Variants in MYO3B observed in about 807,000 individuals in gnomAD.
MYO3B encodes the protein myosin-IIIb.
MYO3B carries 156 observed loss-of-function variants against 174.6 expected under a neutral mutation model. The observed-to-expected ratio is 0.89, with a 90% CI of 0.78 to 1.02. MYO3B has a LOEUF of 1.02. Among genes scored for constraint, MYO3B ranks in the 50% least tolerant of loss-of-function variants. The probability of loss-of-function intolerance (pLI) is 0.00; values close to 1 mark genes in which losing one functional copy is unlikely to be tolerated. For missense variants in MYO3B, 1,632 were observed against 1,639.4 expected (o/e 1.00, Z 0.08); for synonymous variants, 563 against 569.1 (o/e 0.99, Z 0.15).
At chr2:170,242,281 A>G (rs180892602) in intron 7 of MYO3B, among the ~76,000 whole-genome samples, 6 of 152,338 alleles carry the variant, frequency 3.9e-5, no homozygotes, top group East Asian at 3.9e-4. Flanking sequence ...AAATATTCCA[A>G]TAGAAAAACA....
chr2:170,602,597 T>C (rs1401366022), intron 32 of MYO3B, among the ~76,000 whole-genome samples: 1 of 152,250 alleles, frequency 6.6e-6, no homozygotes, highest in African/African-American at 2.4e-5. Context: ...GCTGTTCCCA[T>C]TCCAGCCAAG....
chr2:170,263,186 A>G (rs1308723542), intron 7 of MYO3B, among the ~76,000 whole-genome samples: 4 of 152,218 alleles, frequency 2.6e-5, no homozygotes, highest in African/African-American at 9.6e-5. Flanking sequence ...AAATGCAGGC[A>G]GGGCTTGGCT....
chr2:170,644,823 A>G (rs1311590073), intron 32 of MYO3B, among the ~76,000 whole-genome samples: 2 of 152,234 alleles, frequency 1.3e-5, no homozygotes, highest in Non-Finnish European at 2.9e-5. Flanking sequence ...AGTGCTCCTG[A>G]AATGCTATCC....
At chr2:170,296,422 G>A (rs771935337) in intron 7 of MYO3B, among the ~76,000 whole-genome samples, 3 of 152,118 alleles carry the variant, frequency 2.0e-5, no homozygotes, top group African/African-American at 2.4e-5. Context: ...CCACAAGAGG[G>A]GTATTCAAAC....
intron 9 of MYO3B, among the ~76,000 whole-genome samples, chr2:170,379,239 G>A (rs1469898057): frequency 6.9e-6 from 1 of 145,050 alleles, no homozygotes; most frequent in Non-Finnish European, 1.5e-5. Context: ...TCTGTTGCCA[G>A]GTTGGCATGC....
intron 32 of MYO3B, among the ~76,000 whole-genome samples, chr2:170,629,703 A>G (rs770921181): frequency 6.6e-6 from 1 of 152,160 alleles, no homozygotes; most frequent in Non-Finnish European, 1.5e-5. Flanking sequence ...ACAAAAAATT[A>G]GCTGGGCATG....
intron 7 of MYO3B, among the ~76,000 whole-genome samples, chr2:170,251,252 T>C (rs1261581951): frequency 2.0e-5 from 3 of 152,112 alleles, no homozygotes; most frequent in Non-Finnish European, 2.9e-5. Context: ...TTCTTTATGT[T>C]AGAGTTCAGA....
In MYO3B at chr2:170,629,616, A is replaced by C. The variant is rs1176056470; in HGVS notation, c.3734-22012A>C. 3.9e-5 allele frequency among the ~76,000 whole-genome samples: 6 copies of C among 152,302 alleles called. No homozygotes were observed. The South Asian group carries it at 1.2e-3, about 32-fold the overall frequency. The stretch of plus-strand genomic sequence containing the variant: ...TGTAATCCTAACACTTTGGGAGGCC[A>C]AGGCAGGTGGATTGCCTGAGCTTAG... On this transcript the variant is annotated intron_variant, in intron 32 of 34. Transcript: ENST00000408978.
chr2:170,612,667 G>C (rs1430173136), intron 32 of MYO3B, among the ~76,000 whole-genome samples: 2 of 152,208 alleles, frequency 1.3e-5, no homozygotes, highest in African/African-American at 4.8e-5. Flanking sequence ...GCAGGAGTTA[G>C]AGGGAGTAAG....
At chr2:170,214,129 A>G (rs2092802650) in intron 3 of MYO3B, among the ~76,000 whole-genome samples, 1 of 152,182 alleles carries the variant, frequency 6.6e-6, no homozygotes, top group African/African-American at 2.4e-5. Context: ...ATATTTGGCA[A>G]TTAAAAAGTT....
chr2:170,403,471 T>C (rs2094491351), intron 19 of MYO3B, among the ~76,000 whole-genome samples: 1 of 152,128 alleles, frequency 6.6e-6, no homozygotes, highest in Non-Finnish European at 1.5e-5. Flanking sequence ...ATGGAAATCA[T>C]CCCTCTATGA....
chr2:170,499,705 C>T lies in MYO3B; in HGVS notation c.3186C>T (p.Gly1062=), dbSNP rs371393746. The change falls in exon 27 of 35, where the codon GGC becomes GGT. Residue 1062 remains glycine, a synonymous_variant. Transcript: ENST00000408978. Reference sequence around the variant, plus strand: ...ATTTGCTGCTTCGAGAAGTCATAGGCAGAGTGGTTGTGCTGCAGGCATATA... The same window carrying T: ...ATTTGCTGCTTCGAGAAGTCATAGGTAGAGTGGTTGTGCTGCAGGCATATA... ...QLNLLLREVI[G]RVVVLQAYTK... 6.2e-7 allele frequency: 1 copy of T among 1,614,080 alleles called. No homozygotes were observed. The highest frequency in any genetic ancestry group is 8.5e-7 in the Non-Finnish European group (1 of 1,179,986).
At chr2:170,229,945 C>T (rs2092995953) in intron 6 of MYO3B, among the ~76,000 whole-genome samples, 1 of 151,964 alleles carries the variant, frequency 6.6e-6, no homozygotes, top group African/African-American at 2.4e-5. Flanking sequence ...TCTACTCATG[C>T]CCTGTGCTTA....
At chr2:170,401,403 G>C in intron 17 of MYO3B, 78 bp from the exon 18 acceptor site, 1 of 1,327,442 alleles carries the variant, frequency 7.5e-7, no homozygotes, top group Admixed American at 1.8e-5. Flanking sequence ...GCACATAGTA[G>C]ATGTTGAATA....
At chr2:170,608,583 GAAC>G (rs1359994692) in intron 32 of MYO3B, among the ~76,000 whole-genome samples, 1 of 151,066 alleles carries the variant, frequency 6.6e-6, no homozygotes, top group East Asian at 1.9e-4. Flanking sequence ...GATGTGCTCA[GAAC>G]AACATCACCC....
chr2:170,215,449 GT>G (rs983349667), intron 5 of MYO3B, among the ~76,000 whole-genome samples: 8 of 149,336 alleles, frequency 5.4e-5, no homozygotes, highest in African/African-American at 7.4e-5. Flanking sequence ...AAACCATTTG[GT>G]TTTTTTTTTA....
chr2:170,449,650 G>A (rs1265311880), intron 23 of MYO3B, among the ~76,000 whole-genome samples: 1 of 151,944 alleles, frequency 6.6e-6, no homozygotes, highest in Admixed American at 6.6e-5. Context: ...GGTGGTACAT[G>A]CCTGTAATCC....
chr2:170,366,282 A>G (rs528282019), intron 8 of MYO3B, among the ~76,000 whole-genome samples: 1 of 152,096 alleles, frequency 6.6e-6, no homozygotes, highest in Admixed American at 6.5e-5. Flanking sequence ...GAACTAAGAA[A>G]GCACTTTTTT....
In MYO3B at chr2:170,184,818, T is replaced by C. The variant is rs114050929; in HGVS notation, c.2+6529T>C. Among the ~76,000 whole-genome samples the C allele has an allele frequency of 7.4e-3, 1,121 of 152,184 alleles. 15 individuals carry two copies. The highest frequency in any genetic ancestry group is 0.026 in the African/African-American group (1,082 of 41,510). On this transcript the variant is annotated intron_variant, in intron 1 of 34. Coordinates refer to ENST00000408978, the MANE Select transcript of MYO3B (RefSeq NM_138995.5). The stretch of plus-strand genomic sequence containing the variant: ...TATTCCCACCAACAGTGTACAAGAG[T>C]CTACTTTTCTCCACATTCTCACCAG...
Sources: allele counts gnomAD v4.1 joint callset (sites outside exome capture counted in the v4.1 genomes callset), GRCh38; gene constraint gnomAD v4.1.1; transcripts MANE v1.5; gene names NCBI Gene and HGNC (gene_info 2026-07-23, HGNC 2026-07-21).